The following FARP1 variants were observed in gnomAD, a reference collection of about 807,000 sequenced individuals.
FARP1 encodes FERM, ARHGEF and pleckstrin domain-containing protein 1.
A neutral mutation model predicts 128.8 loss-of-function variants in FARP1; 52 were observed. That is an observed-to-expected ratio of 0.40 (90% CI 0.32 to 0.51). The LOEUF (loss-of-function observed/expected upper bound fraction) is 0.51. Among genes scored for constraint, FARP1 ranks in the 20% least tolerant of loss-of-function variants. The pLI, the probability that FARP1 is intolerant of heterozygous loss-of-function variation, is 0.45. For missense variants in FARP1, 1,333 were observed against 1,367.9 expected (o/e 0.97, Z 0.40); for synonymous variants, 580 against 551.8 (o/e 1.05, Z -0.72).
intron 5 of FARP1, among the ~76,000 whole-genome samples, chr13:98,369,129 T>G (rs1290596482): frequency 1.3e-5 from 2 of 152,060 alleles, no homozygotes. Context: ...TTCACCATGT[T>G]GGCCAGACTG....
At position 98,388,374 on chromosome 13, in the gene FARP1, T is replaced by C. The variant is rs760417872; in HGVS notation, c.760-9T>C. The stretch of plus-strand genomic sequence containing the variant: ...TTTCCTGGCTCACTGCTACTGTCTT[T>C]CTTTTTAGGGTTTCACTAAGATCAA... On this transcript the variant is annotated splice_polypyrimidine_tract_variant and intron_variant, in intron 8 of 26. Coordinates refer to ENST00000319562, the MANE Select transcript of FARP1 (RefSeq NM_005766.4). 15 of 1,610,720 alleles carry C rather than the reference T, an allele frequency of 9.3e-6. No homozygotes were observed. The highest frequency in any genetic ancestry group is 3.3e-5 in the South Asian group (3 of 91,008).
At chr13:98,187,403 A>C (rs770102482) in intron 1 of FARP1, among the ~76,000 whole-genome samples, 26 of 152,226 alleles carry the variant, frequency 1.7e-4, no homozygotes, top group Non-Finnish European at 2.9e-4. Context: ...AGATGCTTTG[A>C]GCTCCCAAAT....
At chr13:98,239,962 C>T (rs1410867299) in intron 2 of FARP1, among the ~76,000 whole-genome samples, 1 of 152,186 alleles carries the variant, frequency 6.6e-6, no homozygotes, top group Non-Finnish European at 1.5e-5. Flanking sequence ...AGACGGCTAC[C>T]TCTCTTCTCC....
intron 2 of FARP1, among the ~76,000 whole-genome samples, chr13:98,339,801 G>A (rs1052521883): frequency 1.5e-4 from 23 of 152,062 alleles, no homozygotes; most frequent in Non-Finnish European, 2.8e-4. Flanking sequence ...TGATTTATTA[G>A]CTAGATCCTA....
At chr13:98,253,462 T>G (rs184923643) in intron 2 of FARP1, among the ~76,000 whole-genome samples, 1 of 152,188 alleles carries the variant, frequency 6.6e-6, no homozygotes, top group African/African-American at 2.4e-5. Context: ...TCAAAGACTT[T>G]GATGTGAGAC....
Position 98,264,359 on chromosome 13 carries a change from G to A in FARP1, c.171+50946G>A, listed in dbSNP as rs143989255. Among the ~76,000 whole-genome samples, 680 of 152,318 alleles carry A rather than the reference G, an allele frequency of 4.5e-3. 1 individual carries two copies. The highest frequency in any genetic ancestry group is 5.9e-3 in the Non-Finnish European group (400 of 68,022). ...TAAATTGCATGCCATTCTGAGCAGC[G>A]TGATGGACTCTCATGCCATCTCACT... On this transcript the variant is annotated intron_variant, in intron 2 of 26. Transcript: ENST00000319562.
intron 2 of FARP1, among the ~76,000 whole-genome samples, chr13:98,269,332 G>A (rs1431842581): frequency 6.6e-6 from 1 of 152,200 alleles, no homozygotes; most frequent in South Asian, 2.1e-4. Flanking sequence ...GATAACTTAA[G>A]TATAAACAAA....
chr13:98,385,594 T>C, intron 7 of FARP1, 73 bp from the exon 8 acceptor site: 1 of 1,538,900 alleles, frequency 6.5e-7, no homozygotes, highest in Non-Finnish European at 9.0e-7. Context: ...CAGGAGAAGC[T>C]TCTTAATCTC....
At chr13:98,178,729 G>A (rs982608343) in intron 1 of FARP1, among the ~76,000 whole-genome samples, 33 of 152,346 alleles carry the variant, frequency 2.2e-4, no homozygotes, top group African/African-American at 7.5e-4. Flanking sequence ...TGAGGGAGAA[G>A]TTGTGTGGGT....
chr13:98,181,224 A>C (rs1338695926), intron 1 of FARP1, among the ~76,000 whole-genome samples: 1 of 152,220 alleles, frequency 6.6e-6, no homozygotes. Context: ...GGGATGAACC[A>C]AATGAACTTC....
chr13:98,162,248 GA>G lies in FARP1; in HGVS notation c.-24+18758del, dbSNP rs1439416286. On this transcript the variant is annotated intron_variant, in intron 1 of 26. Coordinates refer to ENST00000319562, the MANE Select transcript of FARP1 (RefSeq NM_005766.4). ...TCAGGGGAGACACCTAAAGTGAGAT[GA>G]ATCAGTTAATACTCCTGTGTGCCAT... Among the ~76,000 whole-genome samples the G allele has an allele frequency of 2.0e-5, 3 of 152,284 alleles. No individual in the cohort carries two copies. The South Asian group carries it at 6.2e-4, about 32-fold the overall frequency.
intron 1 of FARP1, among the ~76,000 whole-genome samples, chr13:98,209,511 T>G (rs190146951): frequency 6.9e-6 from 1 of 145,188 alleles, no homozygotes; most frequent in Non-Finnish European, 1.5e-5. Flanking sequence ...AAAATAACTT[T>G]GTTGGCTGGG....
intron 2 of FARP1, among the ~76,000 whole-genome samples, chr13:98,217,764 G>C (rs1881165424): frequency 6.6e-6 from 1 of 152,190 alleles, no homozygotes; most frequent in Admixed American, 6.5e-5. Context: ...TTGGCCTCTT[G>C]CAGGTAGAGT....
chr13:98,389,879 C>A, intron 9 of FARP1, 78 bp from the exon 10 acceptor site: 1 of 1,407,726 alleles, frequency 7.1e-7, no homozygotes, highest in Non-Finnish European at 9.9e-7. Context: ...ACAAAGCTAT[C>A]TTCTGCCCCT....
intron 3 of FARP1, among the ~76,000 whole-genome samples, chr13:98,350,650 C>T (rs900464183): frequency 1.3e-5 from 2 of 152,148 alleles, no homozygotes; most frequent in Non-Finnish European, 1.5e-5. Context: ...CCAGTTCCTC[C>T]CTCTCTCCTC....
chr13:98,144,923 C>G lies in FARP1; in HGVS notation c.-24+1431C>G, dbSNP rs1427923158. Among the ~76,000 whole-genome samples, 5 of 152,166 alleles carry G rather than the reference C, an allele frequency of 3.3e-5. No individual in the cohort carries two copies. In the East Asian group the frequency reaches 9.6e-4, roughly 29 times the overall value. ...GTCTCCAGGATGTGACAGTTTCTGA[C>G]AGTGTGCTTCATAAGTGGGTACAGC... On this transcript the variant is annotated intron_variant, in intron 1 of 26. Transcript: ENST00000319562.
In FARP1 at chr13:98,143,437, C is replaced by G. The variant is rs868745586; in HGVS notation, c.-79C>G. ...CGGCCGCCGGGGGCTTGGGAGCCGC[C>G]GATCCCGGAGCCCGAGCCGGGAGAG... On this transcript the variant is annotated 5_prime_UTR_variant, in exon 1 of 27. Transcript: ENST00000319562. 7.3e-4 allele frequency: 110 copies of G among 150,506 alleles called. No homozygotes were observed. The highest frequency in any genetic ancestry group is 2.5e-3 in the African/African-American group (105 of 41,316). The allele number at this position is 150,506 out of a possible 1,614,324, so 9.3% of individuals were successfully genotyped here.
In FARP1 at chr13:98,308,033, C is replaced by CTTTTTTT. The variant is rs10536692; in HGVS notation, c.172-35703_172-35697dup. ...CCCTCCGCCCGCCCCCACTCTCTCT[C>CTTTTTTT]TTTTTTTTTTTTTTTTTTTTTTTTT... is the stretch of plus-strand genomic sequence containing the variant. On this transcript the variant is annotated intron_variant, in intron 2 of 26. Coordinates refer to ENST00000319562, the MANE Select transcript of FARP1 (RefSeq NM_005766.4). Among the ~76,000 whole-genome samples, 11 of 16,968 alleles carry CTTTTTTT rather than the reference C, an allele frequency of 6.5e-4. 1 individual carries two copies. The highest frequency in any genetic ancestry group is 1.8e-3 in the Admixed American group (2 of 1,100). The allele number at this position is 16,968 out of a possible 152,430, so 11.1% of individuals were successfully genotyped here.
At chr13:98,195,079 G>T (rs1016224807) in intron 1 of FARP1, among the ~76,000 whole-genome samples, 4 of 152,148 alleles carry the variant, frequency 2.6e-5, no homozygotes, top group African/African-American at 9.7e-5. Context: ...CTTCAAGACT[G>T]GCCCTTCTTA....
Sources: allele counts gnomAD v4.1 joint callset (sites outside exome capture counted in the v4.1 genomes callset), GRCh38; gene constraint gnomAD v4.1.1; transcripts MANE v1.5; gene names NCBI Gene and HGNC (gene_info 2026-07-23, HGNC 2026-07-21).